The following NEDD9 variants were observed in gnomAD, a reference collection of about 807,000 sequenced individuals.
The protein encoded by NEDD9 is neural precursor cell expressed, developmentally down-regulated 9, also known as enhancer of filamentation 1.
In NEDD9, 26 loss-of-function variants were observed where a neutral mutation model predicts 76.6. That is an observed-to-expected ratio of 0.34 (90% CI 0.25 to 0.47). The LOEUF (loss-of-function observed/expected upper bound fraction) is 0.47. NEDD9 is among the 20% of genes least tolerant of loss of function. The pLI is 1.00. For synonymous variants in NEDD9, 392 were observed against 414.2 expected (o/e 0.95, Z 0.65); for missense variants, 937 against 1,058.5 (o/e 0.89, Z 1.59).
rs182427715 is a variant in NEDD9 at position 11,191,225 on chromosome 6, C to T, written c.664-20G>A. 3.3e-5 allele frequency: 52 copies of T among 1,555,480 alleles called. No individual in the cohort carries two copies. In the Admixed American group the frequency reaches 5.1e-4, roughly 15 times the overall value. ...ATATACCTGCAAAGCAAGTAGAAAG[C>T]GAAATGCTATTTATTGAGTTGGCTC... is the stretch of plus-strand genomic sequence containing the variant. On this transcript the variant is annotated intron_variant, in intron 4 of 6. Transcript: ENST00000379446.
rs189824073 is a variant in NEDD9 at position 11,344,880 on chromosome 6, G to C, written c.-213-10319C>G. Reference sequence around the variant, plus strand: ...TTACAGAGTCAGTATTCAAAAAAAAGTGGAGATTGGGAACAGGTGTGGAAA... The same window carrying C: ...TTACAGAGTCAGTATTCAAAAAAAACTGGAGATTGGGAACAGGTGTGGAAA... On this transcript the variant is annotated intron_variant, in intron 1 of 3. Coordinates refer to the NEDD9 transcript ENST00000397378. Among the ~76,000 whole-genome samples the C allele has an allele frequency of 4.1e-3, 619 of 152,264 alleles. 2 individuals are homozygous for C. Among genetic ancestry groups the C allele is most frequent in the African/African-American group, 0.014 (588 of 41,530 alleles).
At chr6:11,297,748 C>G (rs958975147) in intron 3 of NEDD9, among the ~76,000 whole-genome samples, 2 of 152,162 alleles carry the variant, frequency 1.3e-5, no homozygotes, top group Non-Finnish European at 1.5e-5. Context: ...TTAATCATCA[C>G]AAACCCTTTG....
rs139002492 is a variant in NEDD9, at chr6:11,370,822, C to T, written c.-214+11317G>A. Reference sequence around the variant, plus strand: ...CAACGGTTCAGAGGCAGAAACAGACCATAAGCCAGTACGTCAGTCTGCACG... The same window carrying T: ...CAACGGTTCAGAGGCAGAAACAGACTATAAGCCAGTACGTCAGTCTGCACG... On this transcript the variant is annotated intron_variant, in intron 1 of 3. Coordinates refer to the NEDD9 transcript ENST00000397378. This position sits in a 1 kb window ranked among gnomAD's most constrained non-coding sequence, Gnocchi z 4.2. Among the ~76,000 whole-genome samples the T allele has an allele frequency of 5.3e-5, 8 of 152,310 alleles. No homozygotes were observed. The East Asian group carries it at 1.5e-3, about 29-fold the overall frequency.
chr6:11,235,072 T>A (rs1317792673), upstream of NEDD9, among the ~76,000 whole-genome samples: 2 of 152,182 alleles, frequency 1.3e-5, no homozygotes, highest in African/African-American at 2.4e-5. This position sits in a 1 kb window ranked among gnomAD's most constrained non-coding sequence, Gnocchi z 4.1. Context: ...TAATACCTGC[T>A]AGCCTCATAA....
In NEDD9 at chr6:11,316,605, C is replaced by T. The variant is rs140082786; in HGVS notation, c.-152-10450G>A. Reference sequence around the variant, plus strand: ...TGCTTTCAGTGGGAATTAACTCGATCACATTTTCTTGCATAAGAATCACAC... The same window carrying T: ...TGCTTTCAGTGGGAATTAACTCGATTACATTTTCTTGCATAAGAATCACAC... On this transcript the variant is annotated intron_variant, in intron 2 of 3. Transcript: ENST00000397378. Among the ~76,000 whole-genome samples, 82 of 152,324 alleles carry T rather than the reference C, an allele frequency of 5.4e-4. 2 individuals carry two copies. The East Asian group carries it at 0.015, about 29-fold the overall frequency.
At chr6:11,257,335 CT>C (rs1362248071) in intron 3 of NEDD9, among the ~76,000 whole-genome samples, 1 of 152,248 alleles carries the variant, frequency 6.6e-6, no homozygotes, top group Non-Finnish European at 1.5e-5. Context: ...CAAATAACCC[CT>C]GGGAGGCAAA....
At chr6:11,305,370 A>T in intron 3 of NEDD9, 1 of 291,310 alleles carries the variant, frequency 3.4e-6, no homozygotes, top group South Asian at 3.1e-5. Flanking sequence ...GCAAGGACCA[A>T]AATTCAGATC....
intron 2 of NEDD9, among the ~76,000 whole-genome samples, chr6:11,332,486 C>G (rs770407273): frequency 2.4e-4 from 37 of 152,240 alleles, no homozygotes; most frequent in Non-Finnish European, 5.0e-4. Flanking sequence ...GTCCGCTTCT[C>G]CAAATGCTCC....
intron 3 of NEDD9, among the ~76,000 whole-genome samples, chr6:11,247,456 A>C (rs1282165002): frequency 6.6e-6 from 1 of 152,196 alleles, no homozygotes; most frequent in African/African-American, 2.4e-5. Flanking sequence ...TAATTCACCT[A>C]CATAAAATTC....
chr6:11,278,027 C>T (rs1760450848), intron 3 of NEDD9, among the ~76,000 whole-genome samples: 1 of 152,136 alleles, frequency 6.6e-6, no homozygotes, highest in Non-Finnish European at 1.5e-5. Context: ...TGCAAGAGGT[C>T]GGAGGCTGGA....
At chr6:11,257,462 A>G (rs1432471938) in intron 3 of NEDD9, among the ~76,000 whole-genome samples, 1 of 152,146 alleles carries the variant, frequency 6.6e-6, no homozygotes, top group Non-Finnish European at 1.5e-5. Context: ...CCGTGAGTAC[A>G]TGGAGGCAAC....
intron 3 of NEDD9, among the ~76,000 whole-genome samples, chr6:11,269,637 A>G (rs1760263741): frequency 6.6e-6 from 1 of 152,124 alleles, no homozygotes; most frequent in Non-Finnish European, 1.5e-5. Context: ...CATACAAAAT[A>G]GATATATGTA....
intron 3 of NEDD9, among the ~76,000 whole-genome samples, chr6:11,276,557 A>G (rs1014611777): frequency 6.6e-6 from 1 of 152,196 alleles, no homozygotes; most frequent in Non-Finnish European, 1.5e-5. Context: ...TGTTGCTGCT[A>G]CTCACGCTTT....
rs1030710947 is a variant in NEDD9 at position 11,185,042 on chromosome 6, A to G, written c.*120T>C. 4.0e-6 allele frequency: 5 copies of G among 1,264,948 alleles called. No homozygotes were observed. In the South Asian group the frequency reaches 6.9e-5, roughly 18 times the overall value. 78.4% of individuals were successfully genotyped at this position (1,264,948 alleles called of 1,614,324 possible). A position where few individuals can be genotyped will look rare whatever the true frequency, so the allele number is the denominator to read the frequency against. On this transcript the variant is annotated 3_prime_UTR_variant, in exon 7 of 7. Coordinates refer to ENST00000379446, the MANE Select transcript of NEDD9 (RefSeq NM_006403.4). ...AAAGTTGACTGACCCATAAAATGTT[A>G]AAATATTTCATTTTTATATAAAATA...
At chr6:11,301,861 G>A (rs756156161) in intron 3 of NEDD9, among the ~76,000 whole-genome samples, 6 of 152,138 alleles carry the variant, frequency 3.9e-5, no homozygotes, top group Non-Finnish European at 7.4e-5. Context: ...GATACATTTA[G>A]AGCAGTGTGT....
At chr6:11,242,273 C>T (rs1407716446) in intron 3 of NEDD9, among the ~76,000 whole-genome samples, 1 of 152,198 alleles carries the variant, frequency 6.6e-6, no homozygotes, top group East Asian at 1.9e-4. Flanking sequence ...TACCCCTGAG[C>T]TTTACAGGCA....
intron 2 of NEDD9, among the ~76,000 whole-genome samples, chr6:11,323,867 C>T (rs1029802974): frequency 1.3e-5 from 2 of 152,236 alleles, no homozygotes; most frequent in African/African-American, 4.8e-5. Context: ...AGTTTCCCAC[C>T]CATTCTTAAC....
intron 1 of NEDD9, among the ~76,000 whole-genome samples, chr6:11,225,187 G>C (rs1759274489): frequency 6.6e-6 from 1 of 152,098 alleles, no homozygotes; most frequent in Admixed American, 6.5e-5. Flanking sequence ...TTTGTTGCTT[G>C]AAATGGTTTC....
Position 11,213,288 on chromosome 6 carries a change from C to T in NEDD9, c.452G>A (p.Gly151Asp), listed in dbSNP as rs1758839521. 5.0e-6 allele frequency: 8 copies of T among 1,596,042 alleles called. No homozygotes were observed. Among genetic ancestry groups the T allele is most frequent in the Non-Finnish European group, 6.0e-6 (7 of 1,168,260 alleles). Residue 151 changes from glycine to aspartate, a missense_variant, in exon 2 of 7, where the codon GGT becomes GAT. Physicochemically the swap from Gly to Asp is moderately conservative, Grantham distance 94. Coordinates refer to ENST00000379446, the MANE Select transcript of NEDD9 (RefSeq NM_006403.4). This position sits in a 1 kb window ranked among gnomAD's most constrained non-coding sequence, Gnocchi z 5.4. ...SIGGTSGPHVGKKVITPVRTG... is the reference protein window; with the variant it reads ...SIGGTSGPHVDKKVITPVRTG... ...AGTTAGTCATTTACTCACCTTTTTA[C>T]CCACGTGGGGCCCACTGGTTCCCCC...
Sources: allele counts gnomAD v4.1 joint callset (sites outside exome capture counted in the v4.1 genomes callset), GRCh38; gene constraint gnomAD v4.1.1; non-coding constraint Gnocchi (gnomAD v3.1); transcripts MANE v1.5; gene names NCBI Gene and HGNC (gene_info 2026-07-23, HGNC 2026-07-21).